The following RUNX1 variants were observed in gnomAD, a reference collection of about 807,000 sequenced individuals.
RUNX1 encodes the protein RUNX family transcription factor 1.
A neutral mutation model predicts 42.8 loss-of-function variants in RUNX1; 19 were observed. The ratio of observed to expected loss-of-function variants is 0.44; its 90% CI spans 0.31 to 0.65. RUNX1 has a LOEUF of 0.65. Among genes scored for constraint, RUNX1 ranks in the 30% least tolerant of loss-of-function variants. The pLI is 0.07. For synonymous variants in RUNX1, 271 were observed against 289.4 expected (o/e 0.94, Z 0.64); for missense variants, 528 against 672.0 (o/e 0.79, Z 2.37).
At chr21:34,981,044 G>A (rs537350643) in intron 2 of RUNX1, among the ~76,000 whole-genome samples, 1 of 152,316 alleles carries the variant, frequency 6.6e-6, no homozygotes, top group Non-Finnish European at 1.5e-5. Context: ...AAAACTGTCA[G>A]CTATGGATGG....
At chr21:34,925,815 G>A (rs796141766) in intron 2 of RUNX1, among the ~76,000 whole-genome samples, 10 of 152,276 alleles carry the variant, frequency 6.6e-5, no homozygotes, top group East Asian at 1.9e-4. Context: ...AAAGAGGTTC[G>A]AGAAATAATT....
chr21:34,931,368 G>T (rs1022534362), intron 2 of RUNX1, among the ~76,000 whole-genome samples: 1 of 143,640 alleles, frequency 7.0e-6, no homozygotes. Flanking sequence ...ATATATATGT[G>T]TATATATAAT....
intron 2 of RUNX1, among the ~76,000 whole-genome samples, chr21:34,984,488 G>A (rs559300544): frequency 3.9e-5 from 6 of 152,244 alleles, no homozygotes; most frequent in African/African-American, 1.4e-4. Context: ...CAATAGCTAC[G>A]GCTCTTTGGT....
At chr21:34,948,236 G>A (rs981279948) in intron 2 of RUNX1, among the ~76,000 whole-genome samples, 6 of 151,826 alleles carry the variant, frequency 4.0e-5, no homozygotes, top group African/African-American at 1.2e-4. Flanking sequence ...CAATAGCAAC[G>A]GCAACACCTC....
intron 5 of RUNX1, among the ~76,000 whole-genome samples, chr21:34,861,466 C>A (rs114683625): frequency 1.0e-3 from 157 of 152,320 alleles, no homozygotes; most frequent in African/African-American, 3.7e-3. Context: ...GATTGTCCTA[C>A]AAGCCTCATG....
intron 3 of RUNX1, among the ~76,000 whole-genome samples, chr21:34,888,997 G>C (rs924859080): frequency 6.6e-6 from 1 of 151,338 alleles, no homozygotes; most frequent in Non-Finnish European, 1.5e-5. Flanking sequence ...ACGCAGGCTT[G>C]TGCGGCTCCG....
Position 34,907,224 on chromosome 21 carries a change from A to C in RUNX1, c.59-14261T>G, listed in dbSNP as rs1443646415. 6.6e-6 allele frequency among the ~76,000 whole-genome samples: 1 copy of C among 152,186 alleles called. No individual in the cohort carries two copies. The highest frequency in any genetic ancestry group is 1.5e-5 in the Non-Finnish European group (1 of 68,020). ...GGAGAATCCCACTTAGCATCTGCCC[A>C]CAGGTAAGGGGCACAGAGAAGGAGA... is the stretch of plus-strand genomic sequence containing the variant. On this transcript the variant is annotated intron_variant, in intron 2 of 8. Transcript: ENST00000675419. This position sits in a 1 kb window ranked among gnomAD's most constrained non-coding sequence, Gnocchi z 5.3.
intron 3 of RUNX1, chr21:34,889,555 C>T: frequency 5.1e-6 from 3 of 592,404 alleles, no homozygotes; most frequent in Non-Finnish European, 4.4e-6. Context: ...CTTGTAGCGC[C>T]GGCACCCGCA....
intron 6 of RUNX1, among the ~76,000 whole-genome samples, chr21:34,858,861 C>A (rs2057530796): frequency 6.6e-6 from 1 of 152,146 alleles, no homozygotes; most frequent in Admixed American, 6.5e-5. Flanking sequence ...CAACCTCACT[C>A]ATTTTTTTAA....
chr21:34,889,933 G>T, intron 3 of RUNX1: 2 of 897,436 alleles, frequency 2.2e-6, no homozygotes, highest in Non-Finnish European at 2.8e-6. Flanking sequence ...TCCCGGCCCC[G>T]TTCCACCGCG....
intron 7 of RUNX1, among the ~76,000 whole-genome samples, chr21:34,812,574 C>T (rs1450103146): frequency 6.6e-6 from 1 of 152,220 alleles, no homozygotes; most frequent in Non-Finnish European, 1.5e-5. Flanking sequence ...TAAACTCCAA[C>T]ACAGATCTCG....
At chr21:34,865,716 G>A (rs1205254419) in intron 5 of RUNX1, among the ~76,000 whole-genome samples, 1 of 152,086 alleles carries the variant, frequency 6.6e-6, no homozygotes, top group Non-Finnish European at 1.5e-5. Flanking sequence ...ATAAAGCCAC[G>A]GCTGGAACCT....
intron 6 of RUNX1, among the ~76,000 whole-genome samples, chr21:34,847,391 G>A (rs1197549806): frequency 6.6e-6 from 1 of 151,994 alleles, no homozygotes; most frequent in African/African-American, 2.4e-5. Flanking sequence ...AATCCTGAAA[G>A]ACACGACGAG....
chr21:34,842,489 C>CT (rs2057252061), intron 6 of RUNX1, among the ~76,000 whole-genome samples: 1 of 49,072 alleles, frequency 2.0e-5, no homozygotes, highest in Non-Finnish European at 3.6e-5. Context: ...AGGGAGACCT[C>CT]TCCAAAAAAA....
chr21:35,032,286 G>A (rs1270947870), intron 2 of RUNX1, among the ~76,000 whole-genome samples: 1 of 152,202 alleles, frequency 6.6e-6, no homozygotes, highest in African/African-American at 2.4e-5. Context: ...CCTTCCTGAA[G>A]TGTCGCTGAA....
chr21:35,003,788 C>A (rs549771403), intron 2 of RUNX1, among the ~76,000 whole-genome samples: 184 of 152,284 alleles, frequency 1.2e-3, no homozygotes, highest in Non-Finnish European at 2.0e-3. Flanking sequence ...GCTTCTTACC[C>A]TGAGACTGAA....
At chr21:34,896,759 A>T (rs2058134048) in intron 2 of RUNX1, among the ~76,000 whole-genome samples, 1 of 152,242 alleles carries the variant, frequency 6.6e-6, no homozygotes, top group Non-Finnish European at 1.5e-5. Flanking sequence ...CAAAGGGGCC[A>T]TGAAAACAAG....
chr21:34,878,454 C>T (rs865980259), intron 5 of RUNX1, among the ~76,000 whole-genome samples: 2 of 151,424 alleles, frequency 1.3e-5, no homozygotes, highest in Middle Eastern at 3.4e-3. Flanking sequence ...TCAAATGTTC[C>T]ATTAGGGTTT....
At chr21:34,977,450 G>C (rs1453881945) in intron 2 of RUNX1, among the ~76,000 whole-genome samples, 1 of 152,200 alleles carries the variant, frequency 6.6e-6, no homozygotes, top group African/African-American at 2.4e-5. Flanking sequence ...CAAGCAGTTT[G>C]ACAATCTTAT....
Sources: gnomAD v4.1 joint callset for allele counts (sites outside exome capture counted in the v4.1 genomes callset) on GRCh38, gnomAD v4.1.1 for gene constraint, Gnocchi (gnomAD v3.1) non-coding constraint, MANE v1.5 for transcripts, NCBI Gene and HGNC (gene_info 2026-07-23, HGNC 2026-07-21) for gene names.